VCPKMT: variants seen among roughly 807,000 people sequenced by gnomAD.
VCPKMT encodes the protein valosin containing protein lysine methyltransferase, also known as protein N-lysine methyltransferase METTL21D.
VCPKMT carries 32 observed loss-of-function variants against 28.6 expected under a neutral mutation model. The ratio of observed to expected loss-of-function variants is 1.12; its 90% confidence interval spans 0.84 to 1.50. The LOEUF (loss-of-function observed/expected upper bound fraction) is 1.50, where lower values mean the gene tolerates loss of function less well. VCPKMT is among the 40% of genes most tolerant of loss of function. The pLI is 0.00. For synonymous variants in VCPKMT, 138 were observed against 111.4 expected (o/e 1.24, Z -1.50); for missense variants, 366 against 285.0 (o/e 1.28, Z -2.05).
Position 50,109,501 on chromosome 14 carries a change from T to C in VCPKMT, c.*198A>G, listed in dbSNP as rs905356194. ...GTAACCTAAGCTGGATTCAGGGCCA[T>C]TGGCAGGCAGGCAGGCAAGCAGGAA... On this transcript the variant is annotated 3_prime_UTR_variant, in exon 6 of 6. Transcript: ENST00000395860. 5.5e-5 allele frequency: 72 copies of C among 1,315,630 alleles called. No homozygotes were observed. Among genetic ancestry groups the C allele is most frequent in the Non-Finnish European group, 6.9e-5 (71 of 1,036,352 alleles). 81.5% of individuals were successfully genotyped at this position (1,315,630 alleles called of 1,614,324 possible). A position where few individuals can be genotyped will look rare whatever the true frequency, so the allele number is the denominator to read the frequency against.
intron 3 of VCPKMT, 21 bp downstream of exon 3, chr14:50,115,818 C>T (rs1555366813): frequency 1.3e-6 from 2 of 1,588,568 alleles, no homozygotes; most frequent in South Asian, 1.1e-5. Flanking sequence ...AGTGAAGAGA[C>T]TTCGCTCACT....
At chr14:50,109,880 A>C (rs1392939079) in intron 5 of VCPKMT, among the ~76,000 whole-genome samples, 167 bp from the exon 6 acceptor site, 1 of 152,212 alleles carries the variant, frequency 6.6e-6, no homozygotes, top group Non-Finnish European at 1.5e-5. Flanking sequence ...TTCTTTGCTG[A>C]CACCTAACAA....
chr14:50,114,584 T>G (rs1341011306), intron 3 of VCPKMT, among the ~76,000 whole-genome samples, 180 bp from the exon 4 acceptor site: 1 of 152,108 alleles, frequency 6.6e-6, no homozygotes, highest in Non-Finnish European at 1.5e-5. Context: ...ACCTGTAATA[T>G]CAACACTTTG....
rs61233901 is a variant in VCPKMT, at chr14:50,113,794, CGGGGGGGGGGG to C, written c.570+480_570+490del. Among the ~76,000 whole-genome samples, 73 of 8,338 alleles carry C rather than the reference CGGGGGGGGGGG, an allele frequency of 8.8e-3. 19 individuals carry two copies. The South Asian group carries it at 0.18, about 20-fold the overall frequency. 5.5% of individuals were successfully genotyped at this position (8,338 alleles called of 152,430 possible). On this transcript the variant is annotated intron_variant, in intron 4 of 5. Coordinates refer to ENST00000395860, the MANE Select transcript of VCPKMT (RefSeq NM_024558.3). ...GCCTATAGTCCCACTTACTTGGGGG[CGGGGGGGGGGG>C]GGGGTGACACTGAGGCAGGAGGATC...
intron 4 of VCPKMT, among the ~76,000 whole-genome samples, chr14:50,112,964 T>C (rs1882808030): frequency 6.6e-6 from 1 of 152,146 alleles, no homozygotes; most frequent in Non-Finnish European, 1.5e-5. Context: ...ATTTTTGTAT[T>C]TTTAGTAAAG....
At chr14:50,113,660 C>T (rs1882863304) in intron 4 of VCPKMT, 1 of 149,460 alleles carries the variant, frequency 6.7e-6, no homozygotes, top group East Asian at 1.9e-4. Context: ...TTGGAGGTTT[C>T]ATAAATATGT....
At chr14:50,106,589 T>C (rs1882329107), downstream of VCPKMT, 1 of 985,340 alleles carries the variant, frequency 1.0e-6, no homozygotes, top group African/African-American at 1.7e-5. Context: ...ACATCACTCC[T>C]CTAATTCTGT....
downstream of VCPKMT, among the ~76,000 whole-genome samples, chr14:50,107,441 A>C (rs150241865): frequency 6.6e-6 from 1 of 151,926 alleles, no homozygotes; most frequent in Non-Finnish European, 1.5e-5. Flanking sequence ...CAGCCTCCCA[A>C]GTAGCTGGGA....
At chr14:50,111,643 C>T (rs893020209) in intron 5 of VCPKMT, 10 of 983,344 alleles carry the variant, frequency 1.0e-5, no homozygotes, top group African/African-American at 5.2e-5. Context: ...TTTGGGAGGC[C>T]GAGGTGGGCA....
chr14:50,106,328 C>T (rs1031909322), downstream of VCPKMT, among the ~76,000 whole-genome samples: 3 of 152,130 alleles, frequency 2.0e-5, no homozygotes, highest in Non-Finnish European at 2.9e-5. Flanking sequence ...AAGTAGTTTC[C>T]GAGCTCCATT....
Position 50,109,104 on chromosome 14 carries a change from G to C in VCPKMT, c.*595C>G. 1 of 972,084 alleles carries C rather than the reference G, an allele frequency of 1.0e-6. No individual in the cohort carries two copies. Among genetic ancestry groups the C allele is most frequent in the Non-Finnish European group, 1.2e-6 (1 of 817,772 alleles). 60.2% of individuals were successfully genotyped at this position (972,084 alleles called of 1,614,324 possible). A position where few individuals can be genotyped will look rare whatever the true frequency, so the allele number is the denominator to read the frequency against. ...AATCACATAGATATGTATGGTGGAG[G>C]AAAAGAAAACTTTGGCTAATATAAG... On this transcript the variant is annotated 3_prime_UTR_variant, in exon 6 of 6. Coordinates refer to ENST00000395860, the MANE Select transcript of VCPKMT (RefSeq NM_024558.3).
In VCPKMT at chr14:50,111,171, T is replaced by TG. The variant is rs1039935966; in HGVS notation, c.675+1443_675+1444insC. ...TACATCAACTAAAAAATAAGAGTTTTTTTTTTTGGCCGAAAAAAAAAAAAA... is the reference window on the plus strand; with the variant it reads ...TACATCAACTAAAAAATAAGAGTTTTGTTTTTTTGGCCGAAAAAAAAAAAAA... On this transcript the variant is annotated intron_variant, in intron 5 of 5. Transcript: ENST00000395860. 8 of 906,970 alleles carry TG rather than the reference T, an allele frequency of 8.8e-6. No homozygotes were observed. The African/African-American group carries it at 1.6e-4, about 18-fold the overall frequency. 56.2% of individuals were successfully genotyped at this position (906,970 alleles called of 1,614,324 possible). A position where few individuals can be genotyped will look rare whatever the true frequency, so the allele number is the denominator to read the frequency against.
downstream of VCPKMT, among the ~76,000 whole-genome samples, chr14:50,108,223 G>A (rs931255417): frequency 4.2e-4 from 63 of 150,166 alleles, no homozygotes; most frequent in Non-Finnish European, 1.3e-4. Flanking sequence ...GAAAGCAGGA[G>A]GGCATAAAAA....
Position 50,115,911 on chromosome 14 carries a change from C to CT in VCPKMT, c.378-1_378insA (p.Trp126Ter). ...AAGGAAAGCCTTCTATTTCTTCCCCCCTTAAAAATGCCAAACAAATATTTC... is the reference window on the plus strand; with the variant it reads ...AAGGAAAGCCTTCTATTTCTTCCCCCTCTTAAAAATGCCAAACAAATATTTC... ...TGSVQAKVLK[W>*]GEEIEGFPSP... On this transcript the variant is annotated stop_gained and frameshift_variant and splice_region_variant. Coordinates refer to ENST00000395860, the MANE Select transcript of VCPKMT (RefSeq NM_024558.3). LOFTEE classifies it high-confidence loss of function. The CT allele has an allele frequency of 6.2e-7, 1 of 1,613,178 alleles. No homozygotes were observed.
At chr14:50,106,700 C>T (rs1882333934), downstream of VCPKMT, 2 of 948,930 alleles carry the variant, frequency 2.1e-6, no homozygotes, top group Admixed American at 1.2e-4. Context: ...TCTCTAGTTA[C>T]TTCCTCAGGC....
chr14:50,116,166 C>A lies in VCPKMT; in HGVS notation c.280G>T (p.Val94Phe), dbSNP rs773940724. Residue 94 changes from valine to phenylalanine, a missense_variant, in exon 2 of 6, where the codon GTC (valine) becomes TTC (phenylalanine). Transcript: ENST00000395860. ...MAATLGADVV[V>F]TDLEELQDLL... is the part of the protein sequence containing the mutation. The stretch of plus-strand genomic sequence containing the variant: ...TCTTGCAATTCCTCAAGATCGGTGA[C>A]TACAACATCAGCCCTATAAAATAAC... The A allele has an allele frequency of 6.2e-7, 1 of 1,614,098 alleles. No homozygotes were observed. Among genetic ancestry groups the A allele is most frequent in the East Asian group, 2.2e-5 (1 of 44,884 alleles).
At chr14:50,106,010 C>T (rs1566801324), downstream of VCPKMT, among the ~76,000 whole-genome samples, 1 of 152,140 alleles carries the variant, frequency 6.6e-6, no homozygotes, top group African/African-American at 2.4e-5. Context: ...ACTAGGGGCC[C>T]ACTCTATTCA....
chr14:50,109,007 A>T lies in VCPKMT; in HGVS notation c.*692T>A, dbSNP rs1882458925. 3.0e-6 allele frequency: 3 copies of T among 985,442 alleles called. No individual in the cohort carries two copies. The highest frequency in any genetic ancestry group is 1.7e-5 in the African/African-American group (1 of 57,364). The allele number at this position is 985,442 out of a possible 1,614,324, so 61.0% of individuals were successfully genotyped here. On this transcript the variant is annotated 3_prime_UTR_variant, in exon 6 of 6. Transcript: ENST00000395860. Reference sequence around the variant, plus strand: ...TCCATGCTCAAATGAAAAATCTGTAAAGATATCTTTTGTTCCTCCAATCTT... The same window carrying T: ...TCCATGCTCAAATGAAAAATCTGTATAGATATCTTTTGTTCCTCCAATCTT...
rs11157729 is a variant in VCPKMT at position 50,116,365 on chromosome 14, G to A, written c.188C>T (p.Ala63Val). 3.7e-6 allele frequency: 6 copies of A among 1,612,384 alleles called. No homozygotes were observed. Among genetic ancestry groups the A allele is most frequent in the Admixed American group, 1.7e-5 (1 of 59,696 alleles). Residue 63 changes from alanine to valine, a missense_variant, in exon 1 of 6, where the codon GCC (alanine) becomes GTC (valine). Ala to Val is a moderately conservative substitution (Grantham distance 64). Transcript: ENST00000395860. ...LETPEFSGDG[A>V]HALSRRSVLE... is the part of the protein sequence containing the mutation. ...CACCGACCGCCGGCTCAGCGCGTGG[G>A]CCCCGTCGCCAGAAAACTCGGGCGT... is the stretch of plus-strand genomic sequence containing the variant.
Sources: allele counts gnomAD v4.1 joint callset (sites outside exome capture counted in the v4.1 genomes callset), GRCh38; gene constraint gnomAD v4.1.1; transcripts MANE v1.5; gene names NCBI Gene and HGNC (gene_info 2026-07-23, HGNC 2026-07-21).